LEKR1: variants seen among roughly 807,000 people sequenced by gnomAD.
LEKR1 encodes the protein leucine, glutamate and lysine rich 1, also known as protein LEKR1.
LEKR1 carries 59 observed loss-of-function variants against 72.4 expected under a neutral mutation model. The ratio of observed to expected loss-of-function variants is 0.82; its 90% CI spans 0.66 to 1.01. The LOEUF is 1.01. LEKR1 is among the 50% of genes least tolerant of loss of function. The pLI, the probability that LEKR1 is intolerant of heterozygous loss-of-function variation, is 0.00. For synonymous variants in LEKR1, 257 were observed against 263.2 expected (o/e 0.98, Z 0.23); for missense variants, 728 against 759.2 (o/e 0.96, Z 0.48).
intron 12 of LEKR1, among the ~76,000 whole-genome samples, chr3:157,038,871 A>G (rs1384542): frequency 0.72 from 109,331 of 152,116 alleles, 39,790 homozygotes; most frequent in East Asian, 0.93. Context: ...CACATGAAAT[A>G]GAATAAAGAC....
chr3:156,930,454 A>G (rs978412910), intron 5 of LEKR1, among the ~76,000 whole-genome samples: 1 of 152,142 alleles, frequency 6.6e-6, no homozygotes, highest in Admixed American at 6.6e-5. Context: ...GGAGAGGTGG[A>G]TAAATGGATT....
chr3:156,899,705 T>C (rs1721785685), intron 3 of LEKR1, among the ~76,000 whole-genome samples: 1 of 127,722 alleles, frequency 7.8e-6, no homozygotes, highest in African/African-American at 2.9e-5. Context: ...TATACACGCA[T>C]ATATACACAT....
intron 2 of LEKR1, among the ~76,000 whole-genome samples, chr3:156,842,466 T>C (rs777745852): frequency 1.3e-5 from 2 of 151,984 alleles, no homozygotes; most frequent in African/African-American, 2.4e-5. Flanking sequence ...GGAAGGTGAG[T>C]GTAGAAATCA....
intron 3 of LEKR1, among the ~76,000 whole-genome samples, chr3:156,866,194 C>CTTCT (rs1717292431): frequency 6.6e-6 from 1 of 152,040 alleles, no homozygotes. Context: ...TATTTGTAGG[C>CTTCT]AGAAGAGCTT....
At chr3:156,907,506 A>G (rs2108566563) in intron 3 of LEKR1, among the ~76,000 whole-genome samples, 1 of 152,136 alleles carries the variant, frequency 6.6e-6, no homozygotes, top group South Asian at 2.1e-4. Context: ...GACCATGAAG[A>G]CTGTTTCCTT....
chr3:156,848,884 A>G (rs1714963891), intron 2 of LEKR1, among the ~76,000 whole-genome samples: 1 of 152,154 alleles, frequency 6.6e-6, no homozygotes. Flanking sequence ...ATATATATCT[A>G]TGTTATTTTA....
At chr3:156,850,438 A>G (rs951155188) in intron 2 of LEKR1, among the ~76,000 whole-genome samples, 2 of 152,168 alleles carry the variant, frequency 1.3e-5, no homozygotes, top group African/African-American at 2.4e-5. Context: ...TAGGGAAGCC[A>G]CAACTCAAGA....
rs772293063 is a variant in LEKR1 at position 157,045,361 on chromosome 3, G to A, written c.1690G>A (p.Val564Met). The change falls in exon 13 of 13, where the codon GTG (valine) becomes ATG (methionine). Residue 564 changes from valine to methionine, a missense_variant. Val to Met is a conservative substitution (Grantham distance 21). Transcript: ENST00000356539. ...TCAGAATACTTTTCTTCAGGAGACA[G>A]TGCGTAGAGAATGTGAAGAACGCTT... ...QEENTFLQET[V>M]RRECEERFEL... 49 of 1,613,400 alleles carry A rather than the reference G, an allele frequency of 3.0e-5. No homozygotes were observed. The East Asian group carries it at 1.1e-3, about 35-fold the overall frequency.
intron 2 of LEKR1, among the ~76,000 whole-genome samples, chr3:156,844,980 C>A (rs1023216025): frequency 1.3e-5 from 2 of 149,880 alleles, no homozygotes; most frequent in Non-Finnish European, 3.0e-5. Context: ...TTTTTACCTG[C>A]AGTATATGAG....
Position 156,881,446 on chromosome 3 carries a change from A to T in LEKR1, c.263+28464A>T, listed in dbSNP as rs543594182. Among the ~76,000 whole-genome samples, 785 of 152,324 alleles carry T rather than the reference A, an allele frequency of 5.2e-3. 4 individuals carry two copies. Among genetic ancestry groups the T allele is most frequent in the Non-Finnish European group, 8.1e-3 (551 of 68,038 alleles). ...TACCTAGGAATCCAACTTATAAGGG[A>T]TGTGAAGGACCTCTTCAAGGAGAAC... On this transcript the variant is annotated intron_variant, in intron 3 of 12. Coordinates refer to ENST00000356539, the MANE Select transcript of LEKR1 (RefSeq NM_001004316.3).
At chr3:156,966,526 C>T (rs570122051) in intron 6 of LEKR1, among the ~76,000 whole-genome samples, 5 of 152,198 alleles carry the variant, frequency 3.3e-5, no homozygotes, top group African/African-American at 7.2e-5. Flanking sequence ...GAGCCTCGCT[C>T]ATTGCTAGCA....
intron 3 of LEKR1, among the ~76,000 whole-genome samples, chr3:156,906,628 CG>C (rs1560070099): frequency 6.6e-6 from 1 of 152,044 alleles, no homozygotes; most frequent in Non-Finnish European, 1.5e-5. Context: ...TTGATGTGTA[CG>C]GTAAAAGTAA....
intron 12 of LEKR1, among the ~76,000 whole-genome samples, chr3:157,034,104 T>C (rs1383198953): frequency 6.6e-6 from 1 of 151,960 alleles, no homozygotes; most frequent in African/African-American, 2.4e-5. Flanking sequence ...ATGCATCTGG[T>C]CACCCAAGAG....
chr3:156,852,038 A>G (rs1715428203), intron 2 of LEKR1: 1 of 152,186 alleles, frequency 6.6e-6, no homozygotes, highest in Non-Finnish European at 1.5e-5. Context: ...TCTATCCAAT[A>G]TACATGTGAT....
intron 6 of LEKR1, among the ~76,000 whole-genome samples, chr3:156,952,886 A>AAG (rs1203060500): frequency 6.6e-6 from 1 of 151,452 alleles, no homozygotes; most frequent in Admixed American, 6.6e-5. Flanking sequence ...GAGAGAGAGA[A>AAG]AGAGAGAGAC....
At chr3:156,995,778 G>T (rs1731510616) in intron 9 of LEKR1, among the ~76,000 whole-genome samples, 1 of 152,176 alleles carries the variant, frequency 6.6e-6, no homozygotes, top group Admixed American at 6.5e-5. Context: ...ATTGAAGTCA[G>T]CTGAGATCAC....
chr3:156,974,281 A>C (rs1729503440), intron 6 of LEKR1, among the ~76,000 whole-genome samples: 1 of 152,178 alleles, frequency 6.6e-6, no homozygotes, highest in Non-Finnish European at 1.5e-5. Flanking sequence ...TCAAAATGAG[A>C]CTTGTAGTTT....
At chr3:156,866,401 C>T (rs1324563296) in intron 3 of LEKR1, among the ~76,000 whole-genome samples, 1 of 151,970 alleles carries the variant, frequency 6.6e-6, no homozygotes, top group Non-Finnish European at 1.5e-5. Context: ...AGAGGACAGG[C>T]TGGAGGCAGA....
chr3:156,884,969 C>T (rs1719896920), intron 3 of LEKR1, among the ~76,000 whole-genome samples: 1 of 152,018 alleles, frequency 6.6e-6, no homozygotes, highest in African/African-American at 2.4e-5. Flanking sequence ...AGACTTTGTT[C>T]ATTTTCTAAA....
Sources: gnomAD v4.1 joint callset for allele counts (sites outside exome capture counted in the v4.1 genomes callset) on GRCh38, gnomAD v4.1.1 for gene constraint, MANE v1.5 for transcripts, NCBI Gene and HGNC (gene_info 2026-07-23, HGNC 2026-07-21) for gene names.